Variants in PARL observed in about 807,000 individuals in gnomAD.
The protein encoded by PARL is presenilin associated rhomboid like.
Under a neutral mutation model 51.6 loss-of-function variants are expected in PARL, and 44 were observed. The ratio of observed to expected loss-of-function variants is 0.85; its 90% CI spans 0.67 to 1.10. The LOEUF is 1.10. Among genes scored for constraint, PARL ranks in the 50% least tolerant of loss-of-function variants. The pLI, the probability that PARL is intolerant of heterozygous loss-of-function variation, is 0.00. For synonymous variants in PARL, 172 were observed against 164.0 expected, an observed-to-expected ratio of 1.05 and a Z score of -0.37; for missense variants, 441 against 469.5, an observed-to-expected ratio of 0.94 and a Z score of 0.56.
chr3:183,849,262 T>G (rs1180930658), intron 4 of PARL, among the ~76,000 whole-genome samples: 1 of 152,126 alleles, frequency 6.6e-6, no homozygotes, highest in Non-Finnish European at 1.5e-5. Context: ...TGCAGCACAT[T>G]CCAGGATATG....
intron 4 of PARL, among the ~76,000 whole-genome samples, chr3:183,856,018 CCCTGCCGCTCA>C (rs1181000104): frequency 6.6e-6 from 1 of 151,968 alleles, no homozygotes; most frequent in Non-Finnish European, 1.5e-5. Context: ...TCACTTGTTC[CCCTGCCGCTCA>C]CCTCCTGCTC....
intron 1 of PARL, among the ~76,000 whole-genome samples, chr3:183,873,275 G>T (rs1733420988): frequency 1.3e-5 from 2 of 152,332 alleles, no homozygotes; most frequent in Admixed American, 6.5e-5. Flanking sequence ...GGAGGCTGGG[G>T]TGGGAGGATC....
intron 4 of PARL, chr3:183,862,539 T>C: frequency 1.8e-6 from 1 of 557,808 alleles, no homozygotes; most frequent in Non-Finnish European, 3.2e-6. Flanking sequence ...ATCAGTATCA[T>C]ACTAAATCAA....
intron 7 of PARL, among the ~76,000 whole-genome samples, chr3:183,836,864 C>T (rs987873028): frequency 1.3e-5 from 2 of 152,148 alleles, no homozygotes; most frequent in African/African-American, 4.8e-5. Context: ...CTCAGCCTGC[C>T]AAGTAGCTGG....
At chr3:183,831,645 A>G (rs892949336) in intron 9 of PARL, among the ~76,000 whole-genome samples, 1 of 152,244 alleles carries the variant, frequency 6.6e-6, no homozygotes, top group East Asian at 1.9e-4. Flanking sequence ...CAACAGTACA[A>G]TGTGAATACT....
At chr3:183,882,330 CAT>C (rs1734639126) in intron 1 of PARL, among the ~76,000 whole-genome samples, 2 of 140,070 alleles carry the variant, frequency 1.4e-5, no homozygotes, top group Non-Finnish European at 3.0e-5. Context: ...CATATATACA[CAT>C]ATATACACAC....
At chr3:183,868,418 C>T (rs2108682550) in intron 1 of PARL, among the ~76,000 whole-genome samples, 1 of 151,928 alleles carries the variant, frequency 6.6e-6, no homozygotes, top group Non-Finnish European at 1.5e-5. Context: ...ACAGGGTCTC[C>T]CTCCGTCGCC....
chr3:183,833,487 C>A lies in PARL; in HGVS notation c.1028+5G>T. The A allele has an allele frequency of 6.3e-7, 1 of 1,587,108 alleles. No homozygotes were observed. Among genetic ancestry groups the A allele is most frequent in the Non-Finnish European group, 8.7e-7 (1 of 1,155,400 alleles). The stretch of plus-strand genomic sequence containing the variant: ...AGTTTAGCAATCAATTACACTCAAA[C>A]TTACATTCCAAAAAGAGCTCCCCCA... On this transcript the variant is annotated splice_donor_5th_base_variant and intron_variant, in intron 9 of 9. Transcript: ENST00000317096.
At chr3:183,874,722 G>T (rs1358951207) in intron 1 of PARL, among the ~76,000 whole-genome samples, 1 of 152,188 alleles carries the variant, frequency 6.6e-6, no homozygotes. Flanking sequence ...CATGTCAAAA[G>T]CTGAGATAGG....
At chr3:183,874,352 A>G (rs1485826714) in intron 1 of PARL, among the ~76,000 whole-genome samples, 1 of 152,034 alleles carries the variant, frequency 6.6e-6, no homozygotes, top group East Asian at 1.9e-4. Context: ...AATCACCGCT[A>G]AGTGTTCAAG....
At chr3:183,881,045 G>C (rs1398649696) in intron 1 of PARL, among the ~76,000 whole-genome samples, 2 of 150,704 alleles carry the variant, frequency 1.3e-5, no homozygotes, top group African/African-American at 2.4e-5. Flanking sequence ...CAAACTCCTA[G>C]ACTCAAGTGA....
chr3:183,827,920 C>T (rs1727548642), downstream of PARL, among the ~76,000 whole-genome samples: 2 of 152,070 alleles, frequency 1.3e-5, no homozygotes, highest in Non-Finnish European at 2.9e-5. Flanking sequence ...GCAGCCACGG[C>T]ATGTTCCTAG....
intron 4 of PARL, among the ~76,000 whole-genome samples, chr3:183,860,954 C>T (rs113806012): frequency 6.3e-4 from 96 of 151,674 alleles, no homozygotes; most frequent in Non-Finnish European, 1.3e-3. Context: ...CTGGGATTAA[C>T]AGGCGTGCAC....
chr3:183,838,454 T>C (rs972837140), intron 7 of PARL, among the ~76,000 whole-genome samples: 2 of 152,256 alleles, frequency 1.3e-5, no homozygotes, highest in South Asian at 2.1e-4. Flanking sequence ...TACCTGGTGA[T>C]TTAATTTCCT....
chr3:183,864,540 G>A (rs1268683082), intron 3 of PARL, among the ~76,000 whole-genome samples: 2 of 152,140 alleles, frequency 1.3e-5, no homozygotes, highest in South Asian at 2.1e-4. Flanking sequence ...ACTTTTGGAG[G>A]CCGAGGTGGG....
chr3:183,862,124 G>C (rs1731905171), intron 4 of PARL, among the ~76,000 whole-genome samples: 1 of 152,206 alleles, frequency 6.6e-6, no homozygotes, highest in Non-Finnish European at 1.5e-5. Flanking sequence ...AAATATTGCA[G>C]AGGTGTTAAC....
At chr3:183,849,650 G>T (rs1001824027) in intron 4 of PARL, among the ~76,000 whole-genome samples, 2 of 151,588 alleles carry the variant, frequency 1.3e-5, no homozygotes, top group Non-Finnish European at 2.9e-5. Context: ...AAGAACATAC[G>T]TAAATGAATA....
At chr3:183,842,480 T>C (rs771257817) in intron 5 of PARL, 33 bp from the exon 6 acceptor site, 15 of 1,600,182 alleles carry the variant, frequency 9.4e-6, no homozygotes, top group East Asian at 2.2e-5. Context: ...CTGGTAATCA[T>C]GAAACACACA....
intron 1 of PARL, chr3:183,879,687 T>TC: frequency 3.1e-6 from 3 of 954,060 alleles, no homozygotes; most frequent in Non-Finnish European, 3.7e-6. Context: ...AGGTACATTT[T>TC]CTCTTTTTAA....
Sources: allele counts gnomAD v4.1 joint callset (sites outside exome capture counted in the v4.1 genomes callset), GRCh38; gene constraint gnomAD v4.1.1; transcripts MANE v1.5; gene names NCBI Gene and HGNC (gene_info 2026-07-23, HGNC 2026-07-21).